The following GLIS3 variants were observed in gnomAD, a reference collection of about 807,000 sequenced individuals.
GLIS3 encodes the protein GLIS family zinc finger 3.
GLIS3 carries 53 observed loss-of-function variants against 78.6 expected under a neutral mutation model. The ratio of observed to expected loss-of-function variants is 0.67; its 90% CI spans 0.54 to 0.85. The LOEUF is 0.85. Among genes scored for constraint, GLIS3 ranks in the 40% least tolerant of loss-of-function variants. The pLI, the probability that GLIS3 is intolerant of heterozygous loss-of-function variation, is 0.00. For synonymous variants in GLIS3, 684 were observed against 509.9 expected (o/e 1.34, Z -4.60); for missense variants, 1,703 against 1,231.1 (o/e 1.38, Z -5.74).
intron 2 of GLIS3, among the ~76,000 whole-genome samples, chr9:4,227,825 A>G (rs1821907039): frequency 6.6e-6 from 1 of 152,224 alleles, no homozygotes; most frequent in African/African-American, 2.4e-5. Flanking sequence ...TTAAAAAACA[A>G]TGCTGCTAAG....
chr9:4,412,172 G>C, the GLIS3 span, among the ~76,000 whole-genome samples: 45 of 152,316 alleles, frequency 3.0e-4, no homozygotes, highest in East Asian at 6.7e-3. Flanking sequence ...CTTCCAAGAA[G>C]GCATACCTTC....
chr9:4,443,198 A>G, the GLIS3 span, among the ~76,000 whole-genome samples: 1 of 152,166 alleles, frequency 6.6e-6, no homozygotes, highest in South Asian at 2.1e-4. Flanking sequence ...GTTTCTAGTA[A>G]CAAGCTACTG....
chr9:3,960,556 A>G (rs1330565718), intron 4 of GLIS3, among the ~76,000 whole-genome samples: 1 of 152,204 alleles, frequency 6.6e-6, no homozygotes, highest in Non-Finnish European at 1.5e-5. Context: ...TCATTCTTTG[A>G]CACTCAGGAT....
At chr9:3,836,226 A>G (rs1331451433) in intron 9 of GLIS3, among the ~76,000 whole-genome samples, 1 of 152,232 alleles carries the variant, frequency 6.6e-6, no homozygotes, top group African/African-American at 2.4e-5. Flanking sequence ...ATAAGCAGAT[A>G]TCAGCGGCAG....
intron 6 of GLIS3, among the ~76,000 whole-genome samples, chr9:3,914,570 T>G (rs1366672101): frequency 6.6e-6 from 1 of 152,204 alleles, no homozygotes; most frequent in Non-Finnish European, 1.5e-5. Flanking sequence ...AAATGAGCAA[T>G]CCTTCCAATA....
the GLIS3 span, among the ~76,000 whole-genome samples, chr9:4,448,947 G>C: frequency 6.6e-6 from 1 of 152,218 alleles, no homozygotes; most frequent in Admixed American, 6.5e-5. Context: ...GAGGTACGTG[G>C]TTCATCTCAC....
chr9:4,170,313 G>A (rs183839431), intron 2 of GLIS3, among the ~76,000 whole-genome samples: 29 of 152,316 alleles, frequency 1.9e-4, no homozygotes, highest in Non-Finnish European at 2.5e-4. Context: ...ATAGGCTGAA[G>A]GAAGTCTCTT....
chr9:4,338,522 C>T (rs1817788341), intron 2 of GLIS3, among the ~76,000 whole-genome samples: 1 of 152,106 alleles, frequency 6.6e-6, no homozygotes, highest in Non-Finnish European at 1.5e-5. Context: ...TTCATATCTA[C>T]TAGTCAATGA....
At chr9:4,399,320 A>C in the GLIS3 span, among the ~76,000 whole-genome samples, 1 of 152,206 alleles carries the variant, frequency 6.6e-6, no homozygotes, top group Non-Finnish European at 1.5e-5. Flanking sequence ...TTTTTTAAAA[A>C]AACTGCCTCT....
At chr9:3,878,464 C>A (rs547423557) in intron 8 of GLIS3, 1 of 152,222 alleles carries the variant, frequency 6.6e-6, no homozygotes, top group South Asian at 2.1e-4. Context: ...TATGGTTTAT[C>A]AGAATTAAAA....
chr9:4,224,474 A>G (rs531095732), intron 2 of GLIS3, among the ~76,000 whole-genome samples: 3 of 152,318 alleles, frequency 2.0e-5, no homozygotes, highest in African/African-American at 7.2e-5. Context: ...GAAAATCACT[A>G]TCTTGTGTCT....
At chr9:4,091,306 G>A (rs1829482825) in intron 4 of GLIS3, among the ~76,000 whole-genome samples, 1 of 152,030 alleles carries the variant, frequency 6.6e-6, no homozygotes, top group Non-Finnish European at 1.5e-5. Context: ...GTTCGAGGCT[G>A]AAGTGGGTCA....
chr9:3,860,887 T>C (rs542300205), intron 8 of GLIS3, among the ~76,000 whole-genome samples: 1 of 152,340 alleles, frequency 6.6e-6, no homozygotes, highest in East Asian at 1.9e-4. Flanking sequence ...ATCTCTGTCT[T>C]TGTGGAACGT....
At chr9:4,459,325 C>T in the GLIS3 span, among the ~76,000 whole-genome samples, 6 of 152,166 alleles carry the variant, frequency 3.9e-5, no homozygotes, top group Non-Finnish European at 8.8e-5. Context: ...ATAGAGGATA[C>T]AGGAGGTCTA....
chr9:4,232,806 C>T (rs1822390317), intron 2 of GLIS3, among the ~76,000 whole-genome samples: 1 of 152,100 alleles, frequency 6.6e-6, no homozygotes, highest in Non-Finnish European at 1.5e-5. Context: ...AATGTCCAAC[C>T]ACTAGTCATA....
rs542342137 is a variant in GLIS3, at chr9:4,287,183, G to A, written c.-98-660C>T. 2.6e-4 allele frequency among the ~76,000 whole-genome samples: 39 copies of A among 152,242 alleles called. 1 individual carries two copies. In the South Asian group the frequency reaches 3.3e-3, roughly 13 times the overall value. On this transcript the variant is annotated intron_variant, in intron 1 of 10. Transcript: ENST00000381971. The stretch of plus-strand genomic sequence containing the variant: ...GGGATGGGAAGAGAATCAACAACAG[G>A]ATACTGCAACCTTCCACTAAAATCC...
intron 4 of GLIS3, among the ~76,000 whole-genome samples, chr9:4,050,901 C>T (rs769056666): frequency 1.3e-5 from 2 of 152,152 alleles, no homozygotes; most frequent in East Asian, 3.9e-4. Context: ...AAATCCTAAA[C>T]CTGATAGTCA....
intron 2 of GLIS3, among the ~76,000 whole-genome samples, chr9:4,272,018 C>T (rs1270751053): frequency 1.3e-5 from 2 of 152,158 alleles, no homozygotes; most frequent in Non-Finnish European, 2.9e-5. Flanking sequence ...GAGCTCCAGG[C>T]CATCACAGAA....
intron 2 of GLIS3, among the ~76,000 whole-genome samples, chr9:4,201,136 C>T (rs1025032019): frequency 6.6e-6 from 1 of 152,140 alleles, no homozygotes; most frequent in Non-Finnish European, 1.5e-5. Flanking sequence ...ATCAAACATG[C>T]CTTCATGATA....
Sources: allele counts gnomAD v4.1 joint callset (sites outside exome capture counted in the v4.1 genomes callset), GRCh38; gene constraint gnomAD v4.1.1; transcripts MANE v1.5; gene names NCBI Gene and HGNC (gene_info 2026-07-23, HGNC 2026-07-21).